The following NRXN1 variants were observed in gnomAD, a reference collection of about 807,000 sequenced individuals.
The protein encoded by NRXN1 is neurexin-1.
Under a neutral mutation model 150.9 loss-of-function variants are expected in NRXN1, and 39 were observed. The ratio of observed to expected loss-of-function variants is 0.26; its 90% CI spans 0.20 to 0.34. The LOEUF (loss-of-function observed/expected upper bound fraction) is 0.34. NRXN1 is among the 10% of genes least tolerant of loss of function. The pLI, the probability that NRXN1 is intolerant of heterozygous loss-of-function variation, is 1.00. For synonymous variants in NRXN1, 924 were observed against 757.0 expected (o/e 1.22, Z -3.62); for missense variants, 1,815 against 1,949.9 (o/e 0.93, Z 1.30).
At chr2:50,739,062 A>T (rs1699109854) in intron 5 of NRXN1, among the ~76,000 whole-genome samples, 1 of 152,188 alleles carries the variant, frequency 6.6e-6, no homozygotes, top group Admixed American at 6.5e-5. Context: ...AATTTTACCT[A>T]CAAAGAAATA....
intron 17 of NRXN1, among the ~76,000 whole-genome samples, chr2:50,373,807 C>G (rs1291818745): frequency 6.6e-6 from 1 of 152,006 alleles, no homozygotes; most frequent in Non-Finnish European, 1.5e-5. Context: ...AAATCATTTG[C>G]AGGTCTTGGC....
At chr2:50,918,347 T>C (rs1464456723) in intron 5 of NRXN1, 3 of 263,154 alleles carry the variant, frequency 1.1e-5, no homozygotes, top group Non-Finnish European at 2.1e-5. Flanking sequence ...ATAAGAAAAA[T>C]GTTCTGGAAA....
intron 5 of NRXN1, among the ~76,000 whole-genome samples, chr2:50,807,786 A>G (rs1232753579): frequency 6.6e-6 from 1 of 152,186 alleles, no homozygotes; most frequent in Non-Finnish European, 1.5e-5. Flanking sequence ...TTACTAGTAC[A>G]AAAGAAAGTA....
chr2:50,423,938 A>G (rs953653586), intron 17 of NRXN1, among the ~76,000 whole-genome samples: 3 of 151,994 alleles, frequency 2.0e-5, no homozygotes, highest in African/African-American at 7.2e-5. Flanking sequence ...ATGAGGTGAG[A>G]TCTCCTTTGC....
intron 5 of NRXN1, among the ~76,000 whole-genome samples, chr2:50,900,738 C>T (rs914985041): frequency 1.3e-5 from 2 of 152,006 alleles, no homozygotes; most frequent in East Asian, 1.9e-4. Flanking sequence ...AACGGCATTC[C>T]GTGATGTTGT....
intron 8 of NRXN1, among the ~76,000 whole-genome samples, chr2:50,607,323 C>G (rs941713777): frequency 6.6e-6 from 1 of 152,050 alleles, no homozygotes; most frequent in Non-Finnish European, 1.5e-5. Context: ...CATCTAATCA[C>G]CAAGAAAATT....
At chr2:50,529,341 T>G (rs575175717) in intron 11 of NRXN1, among the ~76,000 whole-genome samples, 13 of 152,318 alleles carry the variant, frequency 8.5e-5, no homozygotes, top group African/African-American at 3.1e-4. Flanking sequence ...TCTTAGGAGC[T>G]AACAGTGTTA....
intron 5 of NRXN1, among the ~76,000 whole-genome samples, chr2:50,817,161 C>T (rs369521900): frequency 6.6e-6 from 1 of 151,980 alleles, no homozygotes; most frequent in African/African-American, 2.4e-5. Flanking sequence ...AAAGGAGATA[C>T]AACAGAGTAA....
intron 8 of NRXN1, among the ~76,000 whole-genome samples, chr2:50,579,787 T>C (rs536780605): frequency 6.6e-6 from 1 of 152,140 alleles, no homozygotes; most frequent in Non-Finnish European, 1.5e-5. Flanking sequence ...GCATGTAATA[T>C]GAAGGTGAAT....
intron 5 of NRXN1, among the ~76,000 whole-genome samples, chr2:50,865,159 C>A (rs1676703809): frequency 6.6e-6 from 1 of 151,732 alleles, no homozygotes; most frequent in African/African-American, 2.4e-5. Context: ...GTTCTAGGGT[C>A]TACAGACAGG....
intron 12 of NRXN1, among the ~76,000 whole-genome samples, chr2:50,511,234 T>A (rs1046821383): frequency 2.6e-5 from 4 of 152,120 alleles, no homozygotes; most frequent in Admixed American, 2.0e-4. Context: ...CTAATTTTTG[T>A]ATTTTAATAG....
At chr2:51,025,432 G>A (rs982845529) in intron 2 of NRXN1, among the ~76,000 whole-genome samples, 1 of 152,050 alleles carries the variant, frequency 6.6e-6, no homozygotes, top group Non-Finnish European at 1.5e-5. Context: ...TCCTGATTAT[G>A]CATGATCTCT....
At chr2:50,011,033 T>C (rs540650304) in intron 21 of NRXN1, among the ~76,000 whole-genome samples, 2 of 152,164 alleles carry the variant, frequency 1.3e-5, no homozygotes, top group Non-Finnish European at 2.9e-5. Flanking sequence ...AATTAACAAC[T>C]AAGAATTTGC....
chr2:51,020,573 A>G (rs1276561365), intron 2 of NRXN1, among the ~76,000 whole-genome samples: 1 of 151,964 alleles, frequency 6.6e-6, no homozygotes, highest in Admixed American at 6.6e-5. Context: ...ACCATTTAAT[A>G]TCTCCCACAA....
At chr2:50,088,214 C>T (rs1699068704) in intron 19 of NRXN1, among the ~76,000 whole-genome samples, 1 of 152,134 alleles carries the variant, frequency 6.6e-6, no homozygotes, top group Non-Finnish European at 1.5e-5. Flanking sequence ...CAAGGTGACA[C>T]ACTCTTCAAA....
intron 22 of NRXN1, among the ~76,000 whole-genome samples, chr2:49,938,888 G>C (rs1671494472): frequency 1.3e-5 from 2 of 152,054 alleles, no homozygotes; most frequent in African/African-American, 4.8e-5. Context: ...GGTTCTATTT[G>C]GAAGAGGGCC....
intron 2 of NRXN1, among the ~76,000 whole-genome samples, chr2:50,998,480 T>C (rs1377143549): frequency 1.3e-5 from 2 of 152,200 alleles, no homozygotes; most frequent in South Asian, 2.1e-4. Flanking sequence ...CATATTGTTT[T>C]AATATTTCAA....
chr2:49,985,415 CT>C (rs1469343097), intron 21 of NRXN1, among the ~76,000 whole-genome samples: 2 of 152,102 alleles, frequency 1.3e-5, no homozygotes, highest in Non-Finnish European at 2.9e-5. Flanking sequence ...AATTTTCCTC[CT>C]TTTCAAGCTG....
At chr2:50,822,329 T>C in intron 5 of NRXN1, among the ~76,000 whole-genome samples, 1 of 152,086 alleles carries the variant, frequency 6.6e-6, no homozygotes, top group East Asian at 1.9e-4. Context: ...GAAGTCATGC[T>C]TTTATTAAAG....
Sources: allele counts gnomAD v4.1 joint callset (sites outside exome capture counted in the v4.1 genomes callset), GRCh38; gene constraint gnomAD v4.1.1; transcripts MANE v1.5; gene names NCBI Gene and HGNC (gene_info 2026-07-23, HGNC 2026-07-21).